SLC13A3: variants seen among roughly 807,000 people sequenced by gnomAD.
SLC13A3 encodes the protein solute carrier family 13 member 3, also known as Na(+)/dicarboxylate cotransporter 3.
Under a neutral mutation model 59.0 loss-of-function variants are expected in SLC13A3, and 40 were observed. The ratio of observed to expected loss-of-function variants is 0.68; its 90% CI spans 0.53 to 0.88. The LOEUF is 0.88. SLC13A3 is among the 40% of genes least tolerant of loss of function. The pLI is 0.00. For missense variants in SLC13A3, 699 were observed against 783.2 expected, an observed-to-expected ratio of 0.89 and a Z score of 1.28; for synonymous variants, 317 against 330.3, an observed-to-expected ratio of 0.96 and a Z score of 0.44.
intron 1 of SLC13A3, among the ~76,000 whole-genome samples, chr20:46,632,984 A>G: frequency 2.0e-5 from 3 of 150,442 alleles, no homozygotes; most frequent in Non-Finnish European, 3.0e-5. Flanking sequence ...TGTATCTATC[A>G]TCTATCTATC....
At chr20:46,561,766 G>T (rs2061933602) in intron 12 of SLC13A3, among the ~76,000 whole-genome samples, 1 of 151,954 alleles carries the variant, frequency 6.6e-6, no homozygotes, top group African/African-American at 2.4e-5. Context: ...TCTTCTAAGG[G>T]CACAGAGGTG....
intron 1 of SLC13A3, among the ~76,000 whole-genome samples, chr20:46,632,833 CCCTT>C (rs2062753600): frequency 6.6e-6 from 1 of 151,802 alleles, no homozygotes; most frequent in South Asian, 2.1e-4. Context: ...CTCTCTCTCT[CCCTT>C]CCTTCCTCTC....
Position 46,632,296 on chromosome 20 carries a change from C to T in SLC13A3, c.112-18571G>A, listed in dbSNP as rs545144234. Among the ~76,000 whole-genome samples the T allele has an allele frequency of 1.8e-4, 27 of 152,330 alleles. No homozygotes were observed. In the South Asian group the frequency reaches 5.2e-3, roughly 29 times the overall value. Reference sequence around the variant, plus strand: ...GCCCAGGACTGAGCCTGCGAAGTGCCAGACCCTCTGGAGCTACATAGTGTT... The same window carrying T: ...GCCCAGGACTGAGCCTGCGAAGTGCTAGACCCTCTGGAGCTACATAGTGTT... On this transcript the variant is annotated intron_variant, in intron 1 of 12. Transcript: ENST00000279027.
At chr20:46,640,329 G>A (rs1011175254) in intron 1 of SLC13A3, among the ~76,000 whole-genome samples, 5 of 152,096 alleles carry the variant, frequency 3.3e-5, no homozygotes, top group Non-Finnish European at 7.4e-5. Flanking sequence ...TAAAAGGGTG[G>A]GGAAGGGACT....
chr20:46,575,495 G>T, intron 10 of SLC13A3, 78 bp downstream of exon 10: 1 of 777,886 alleles, frequency 1.3e-6, no homozygotes, highest in Non-Finnish European at 2.0e-6. Flanking sequence ...TCTGATCCTG[G>T]TGCTGCAGCC....
rs2061900339 is a variant in SLC13A3, at chr20:46,558,144, T to C, written c.*1878A>G. On this transcript the variant is annotated 3_prime_UTR_variant, in exon 13 of 13. Transcript: ENST00000279027. Reference sequence around the variant, plus strand: ...GTAAGGGGGTGGAGAGTAATGAGGGTGACATTTTAGACAGGAGGTCAGGGA... The same window carrying C: ...GTAAGGGGGTGGAGAGTAATGAGGGCGACATTTTAGACAGGAGGTCAGGGA... The C allele has an allele frequency of 6.6e-6, 1 of 151,982 alleles. No individual in the cohort carries two copies. Among genetic ancestry groups the C allele is most frequent in the Non-Finnish European group, 1.5e-5 (1 of 68,008 alleles). The allele number at this position is 151,982 out of a possible 1,614,324, so 9.4% of individuals were successfully genotyped here. A position where few individuals can be genotyped will look rare whatever the true frequency, so the allele number is the denominator to read the frequency against.
At chr20:46,561,457 C>T (rs1057216919) in intron 12 of SLC13A3, among the ~76,000 whole-genome samples, 2 of 152,182 alleles carry the variant, frequency 1.3e-5, no homozygotes, top group African/African-American at 4.8e-5. Context: ...TTCTCTGCTC[C>T]TGTCAGTTGC....
intron 1 of SLC13A3, among the ~76,000 whole-genome samples, chr20:46,646,055 C>T (rs2062891205): frequency 6.6e-6 from 1 of 152,132 alleles, no homozygotes; most frequent in Non-Finnish European, 1.5e-5. Flanking sequence ...GGAAAACTCC[C>T]TGTCTGAGCT....
At chr20:46,576,942 CCCACAGGTGTATGCAAT>C (rs1291719148) in intron 9 of SLC13A3, among the ~76,000 whole-genome samples, 4 of 152,108 alleles carry the variant, frequency 2.6e-5, no homozygotes, top group Non-Finnish European at 5.9e-5. Context: ...GTGTATGCAG[CCCACAGGTGTATGCAAT>C]CCACAGGTGT....
intron 10 of SLC13A3, 27 bp from the exon 11 acceptor site, chr20:46,566,417 AC>A: frequency 6.3e-7 from 1 of 1,597,634 alleles, no homozygotes; most frequent in Non-Finnish European, 8.6e-7. Flanking sequence ...ATTCCTTCAT[AC>A]CCCAGCCCAT....
At chr20:46,680,410 G>A (rs910235435) in intron 1 of SLC13A3, among the ~76,000 whole-genome samples, 8 of 152,286 alleles carry the variant, frequency 5.3e-5, no homozygotes, top group East Asian at 3.9e-4. Context: ...ACTGCTCCAC[G>A]TACCTCCTTA....
chr20:46,588,730 C>T (rs1192113459), intron 7 of SLC13A3, among the ~76,000 whole-genome samples: 3 of 152,078 alleles, frequency 2.0e-5, no homozygotes, highest in African/African-American at 7.2e-5. Flanking sequence ...GAGCAGGGCC[C>T]AGAGAGGGTT....
At chr20:46,616,318 T>A (rs1234300250) in intron 1 of SLC13A3, among the ~76,000 whole-genome samples, 1 of 152,190 alleles carries the variant, frequency 6.6e-6, no homozygotes, top group Non-Finnish European at 1.5e-5. Context: ...AAGGCACTCT[T>A]CTGGAGAAGT....
At chr20:46,683,069 G>C (rs1025117221) in intron 1 of SLC13A3, among the ~76,000 whole-genome samples, 6 of 152,132 alleles carry the variant, frequency 3.9e-5, no homozygotes, top group African/African-American at 1.4e-4. Context: ...TCCAATATCT[G>C]CCACTCTCCC....
intron 3 of SLC13A3, among the ~76,000 whole-genome samples, chr20:46,606,825 G>A (rs2062441476): frequency 1.3e-5 from 2 of 152,254 alleles, no homozygotes; most frequent in Admixed American, 1.3e-4. Context: ...TCCCCACAGG[G>A]CTGTGGTGGA....
intron 6 of SLC13A3, among the ~76,000 whole-genome samples, chr20:46,591,808 C>T (rs1372540132): frequency 6.6e-6 from 1 of 152,136 alleles, no homozygotes; most frequent in African/African-American, 2.4e-5. Context: ...TATTTAAAGA[C>T]AATACTATTA....
chr20:46,639,468 C>A (rs989644512), intron 1 of SLC13A3, among the ~76,000 whole-genome samples: 12 of 151,986 alleles, frequency 7.9e-5, no homozygotes, highest in African/African-American at 2.7e-4. Flanking sequence ...CAGAAAAAAA[C>A]CAAAAAAACA....
At chr20:46,597,344 G>C (rs1338421279) in intron 4 of SLC13A3, among the ~76,000 whole-genome samples, 2 of 152,110 alleles carry the variant, frequency 1.3e-5, no homozygotes, top group Non-Finnish European at 2.9e-5. Context: ...TAGGTATTTG[G>C]AAACAGACTG....
chr20:46,682,854 T>G (rs2063159921), intron 1 of SLC13A3, among the ~76,000 whole-genome samples: 3 of 152,322 alleles, frequency 2.0e-5, no homozygotes, highest in South Asian at 4.1e-4. Flanking sequence ...GGCTCAGCAC[T>G]GCAAAGCACC....
Sources: gnomAD v4.1 joint callset for allele counts (sites outside exome capture counted in the v4.1 genomes callset) on GRCh38, gnomAD v4.1.1 for gene constraint, MANE v1.5 for transcripts, NCBI Gene and HGNC (gene_info 2026-07-23, HGNC 2026-07-21) for gene names.